TOPORS: variants seen among roughly 807,000 people sequenced by gnomAD.
TOPORS encodes E3 ubiquitin-protein ligase Topors.
A neutral mutation model predicts 81.4 loss-of-function variants in TOPORS; 25 were observed. That is an observed-to-expected ratio of 0.31 (90% confidence interval 0.22 to 0.43). The LOEUF is 0.43. TOPORS is among the 20% of genes least tolerant of loss of function. The pLI, the probability that TOPORS is intolerant of heterozygous loss-of-function variation, is 1.00. For missense variants in TOPORS, 1,101 were observed against 1,267.0 expected (o/e 0.87, Z 1.99); for synonymous variants, 473 against 456.6 (o/e 1.04, Z -0.46).
At chr9:32,545,150 G>A (rs1226825571) in intron 2 of TOPORS, among the ~76,000 whole-genome samples, 1 of 152,174 alleles carries the variant, frequency 6.6e-6, no homozygotes, top group African/African-American at 2.4e-5. Flanking sequence ...CACAGTAGGT[G>A]CTGAGTAAAT....
rs947326583 is a variant in TOPORS, at chr9:32,552,318, C to T, written c.3+116G>A. 3.5e-6 allele frequency: 5 copies of T among 1,442,112 alleles called. No homozygotes were observed. In the Admixed American group the frequency reaches 5.9e-5, roughly 17 times the overall value. The allele number at this position is 1,442,112 out of a possible 1,614,324, so 89.3% of individuals were successfully genotyped here. A position where few individuals can be genotyped will look rare whatever the true frequency, so the allele number is the denominator to read the frequency against. On this transcript the variant is annotated intron_variant, in intron 1 of 2. Coordinates refer to ENST00000360538, the MANE Select transcript of TOPORS (RefSeq NM_005802.5). ...GACAGCGCTGCACGAAGCGAGTGGG[C>T]GGGCGCTCGTGCCCGGCTAAAAGAT...
intron 2 of TOPORS, 69 bp from the exon 3 acceptor site, chr9:32,544,395 T>C: frequency 6.6e-7 from 1 of 1,511,758 alleles, no homozygotes; most frequent in Non-Finnish European, 9.0e-7. Context: ...TCAACAAAAA[T>C]GCAAATAAAG....
chr9:32,541,642 C>A lies in TOPORS; in HGVS notation c.2883G>T (p.Val961=), dbSNP rs1821060671. 6.2e-7 allele frequency: 1 copy of A among 1,614,040 alleles called. No homozygotes were observed. Among genetic ancestry groups the A allele is most frequent in the Admixed American group, 1.7e-5 (1 of 60,004 alleles). Residue 961 remains valine, a synonymous_variant, in exon 3 of 3, where the codon GTG becomes GTT. Transcript: ENST00000360538. ...DVVTIEAEFG[V]LDKECDIATL... ...TGGCAATATCACATTCCTTGTCCAG[C>A]ACACCAAATTCAGCTTCTATTGTAA... is the stretch of plus-strand genomic sequence containing the variant.
At chr9:32,550,425 G>A (rs931415136) in intron 2 of TOPORS, among the ~76,000 whole-genome samples, 2 of 152,226 alleles carry the variant, frequency 1.3e-5, no homozygotes, top group Admixed American at 6.5e-5. Flanking sequence ...TTACAGACAG[G>A]CTCAGGGATT....
chr9:32,544,002 CA>C lies in TOPORS; in HGVS notation c.522del (p.Asp175IlefsTer10). ...RPSYNGSFVT[P>X]DRRFRYRTTL... ...GTTGTACGGTAGCGAAATCGTCGAT[CA>C]GGGGTGACAAAAGAACCATTATACG... On this transcript the variant is annotated frameshift_variant, in exon 3 of 3. Coordinates refer to ENST00000360538, the MANE Select transcript of TOPORS (RefSeq NM_005802.5). LOFTEE classifies it high-confidence loss of function. 1 of 1,614,146 alleles carries C rather than the reference CA, an allele frequency of 6.2e-7. No homozygotes were observed. Among genetic ancestry groups the C allele is most frequent in the Non-Finnish European group, 8.5e-7 (1 of 1,180,022 alleles).
Position 32,541,457 on chromosome 9 carries a change from G to A in TOPORS, c.3068C>T (p.Ser1023Leu), listed in dbSNP as rs751258105. The change falls in exon 3 of 3, where the codon TCA becomes TTA. Residue 1023 changes from serine to leucine, a missense_variant. By Grantham distance (145) the Ser-to-Leu change is moderately radical. Transcript: ENST00000360538. ...TGTCCGTGGCGATGGCAATTGCCTT[G>A]ATGGCTCAGTTTGAAGAGACACAAT... The part of the protein sequence containing the change: ...SNIVSLQTEP[S>L]RQLPSPRTSL... The A allele has an allele frequency of 1.2e-6, 2 of 1,614,176 alleles. No individual in the cohort carries two copies. The highest frequency in any genetic ancestry group is 2.2e-5 in the East Asian group (1 of 44,884).
In TOPORS at chr9:32,543,203, G is replaced by T; in HGVS notation, c.1322C>A (p.Thr441Asn). 6.2e-7 allele frequency: 1 copy of T among 1,613,702 alleles called. No homozygotes were observed. The highest frequency in any genetic ancestry group is 1.1e-5 in the South Asian group (1 of 91,084). Residue 441 changes from threonine to asparagine, a missense_variant, in exon 3 of 3, where the codon ACT becomes AAT. Transcript: ENST00000360538. The surrounding 1 kb of genome is among the most constrained non-coding windows in gnomAD (Gnocchi z 5.6). ...AAGTTCTTCATCTGAACTGTCAGAA[G>T]TATTTAAAAGAGAAGACATAGTAAC... ...VHVTMSSLLNTSDSSDEELVT... is the reference protein window; with the variant it reads ...VHVTMSSLLNNSDSSDEELVT...
Position 32,543,764 on chromosome 9 carries a change from T to A in TOPORS, c.761A>T (p.Asp254Val). 1 of 1,611,816 alleles carries A rather than the reference T, an allele frequency of 6.2e-7. No homozygotes were observed. The highest frequency in any genetic ancestry group is 2.2e-5 in the East Asian group (1 of 44,846). ...AAGAGTTCGTCTAAAATTAATAATA[T>A]CTTGTTCTTGAATTTTCCGCAAAGA... ...ERSLRKIQEQ[D>V]IINFRRTLYR... The change falls in exon 3 of 3, where the codon GAT becomes GTT. Residue 254 changes from aspartate to valine, a missense_variant. This residue lies in a region of TOPORS where 120 missense variants were observed against 115.4 expected (regional missense o/e 1.04). Transcript: ENST00000360538. The surrounding 1 kb of genome is among the most constrained non-coding windows in gnomAD (Gnocchi z 5.6).
chr9:32,541,582 AGTTTT>A lies in TOPORS; in HGVS notation c.2938_2942del (p.Lys980CysfsTer3). 1 of 1,614,206 alleles carries A rather than the reference AGTTTT, an allele frequency of 6.2e-7. No individual in the cohort carries two copies. Among genetic ancestry groups the A allele is most frequent in the Non-Finnish European group, 8.5e-7 (1 of 1,180,038 alleles). ...CTGCCAGAGGTGGAATATTATCTAC[AGTTTT>A]GTTGGCATTATTCAAGTTGTTACTA... On this transcript the variant is annotated frameshift_variant, in exon 3 of 3. Transcript: ENST00000360538. LOFTEE classifies it high-confidence loss of function.
intron 1 of TOPORS, among the ~76,000 whole-genome samples, chr9:32,552,017 G>A (rs1821281667): frequency 6.6e-6 from 1 of 151,950 alleles, no homozygotes; most frequent in African/African-American, 2.4e-5. Context: ...GGGAGAAAGC[G>A]TTAATTCTTC....
chr9:32,552,344 G>A, intron 1 of TOPORS, 90 bp downstream of exon 1: 2 of 1,548,032 alleles, frequency 1.3e-6, no homozygotes, highest in Non-Finnish European at 1.8e-6. Context: ...GCTAAAAGAT[G>A]GCTGCTGGCG....
intron 2 of TOPORS, among the ~76,000 whole-genome samples, chr9:32,547,151 G>A (rs1197520451): frequency 6.6e-6 from 1 of 152,208 alleles, no homozygotes; most frequent in African/African-American, 2.4e-5. Flanking sequence ...GGAGACCCTT[G>A]AGGCCAGGAA....
chr9:32,543,012 C>T lies in TOPORS; in HGVS notation c.1513G>A (p.Gly505Ser), dbSNP rs1315587448. 5.6e-6 allele frequency: 9 copies of T among 1,614,024 alleles called. No homozygotes were observed. The highest frequency in any genetic ancestry group is 1.7e-5 in the Admixed American group (1 of 60,002). The change falls in exon 3 of 3, where the codon GGT becomes AGT. Residue 505 changes from glycine to serine, a missense_variant. Coordinates refer to ENST00000360538, the MANE Select transcript of TOPORS (RefSeq NM_005802.5). The surrounding 1 kb of genome is among the most constrained non-coding windows in gnomAD (Gnocchi z 5.6). ...VELSSDSEDL[G>S]SYEKMETVKT... ...ACTGTCTCCATTTTCTCATAAGAAC[C>T]TAAGTCCTCAGAATCAGAGGACAGT... is the stretch of plus-strand genomic sequence containing the variant.
chr9:32,550,964 G>A lies in TOPORS; in HGVS notation c.8C>T (p.Ser3Leu), dbSNP rs751565828. The A allele has an allele frequency of 1.2e-6, 2 of 1,610,196 alleles. No individual in the cohort carries two copies. The highest frequency in any genetic ancestry group is 1.7e-6 in the Non-Finnish European group (2 of 1,179,752). The change falls in exon 2 of 3, where the codon TCG (serine) becomes TTG (leucine). Residue 3 changes from serine to leucine, a missense_variant. Physicochemically the swap from Ser to Leu is moderately radical, Grantham distance 145. Transcript: ENST00000360538. MG[S>L]QPPLGSPLSR... ...CAGCGGAGACCCCAGCGGCGGCTGC[G>A]ACCCCTGTGACGCAAAGGGCTCATC... is the stretch of plus-strand genomic sequence containing the variant.
rs1478093209 is a variant in TOPORS at position 32,540,871 on chromosome 9, A to C, written c.*516T>G. On this transcript the variant is annotated 3_prime_UTR_variant, in exon 3 of 3. Transcript: ENST00000360538. Reference sequence around the variant, plus strand: ...AAACAAGTATATAAAGGAAATAGTAAATTTTTATTTTGGCAGAAGATAAAC... The same window carrying C: ...AAACAAGTATATAAAGGAAATAGTACATTTTTATTTTGGCAGAAGATAAAC... The C allele has an allele frequency of 6.5e-6, 1 of 152,752 alleles. No individual in the cohort carries two copies. The highest frequency in any genetic ancestry group is 2.1e-4 in the South Asian group (1 of 4,840). The allele number at this position is 152,752 out of a possible 1,614,324, so 9.5% of individuals were successfully genotyped here.
At chr9:32,549,039 G>A (rs1194302371) in intron 2 of TOPORS, among the ~76,000 whole-genome samples, 1 of 151,980 alleles carries the variant, frequency 6.6e-6, no homozygotes, top group Non-Finnish European at 1.5e-5. Flanking sequence ...GCCGGGCGTG[G>A]TGGCTCATGC....
At position 32,542,718 on chromosome 9, in the gene TOPORS, G is replaced by A. The variant is rs550660279; in HGVS notation, c.1807C>T (p.Arg603Cys). Residue 603 changes from arginine to cysteine, a missense_variant, in exon 3 of 3, where the codon CGT becomes TGT. By Grantham distance (180) the Arg-to-Cys change is radical. This residue lies in a region of TOPORS where 605 missense variants were observed against 636.1 expected (regional missense o/e 0.95). Transcript: ENST00000360538. ...TCATGCCCACTTCTACTCTGAGAAC[G>A]TGAATCTGAACTTCTTGATCTTCCC... Reference protein sequence around the residue: ...KRGRSRSSDSRSQSRSGHDQK... With the variant: ...KRGRSRSSDSCSQSRSGHDQK... The A allele has an allele frequency of 7.4e-6, 12 of 1,613,932 alleles. No homozygotes were observed. Among genetic ancestry groups the A allele is most frequent in the Admixed American group, 3.3e-5 (2 of 60,000 alleles).
chr9:32,545,116 G>A (rs1180846361), intron 2 of TOPORS, among the ~76,000 whole-genome samples: 1 of 152,180 alleles, frequency 6.6e-6, no homozygotes, highest in Non-Finnish European at 1.5e-5. Flanking sequence ...AAATGAAAAA[G>A]CAGCCAAGAG....
rs1821052651 is a variant in TOPORS at position 32,541,318 on chromosome 9, G to A, written c.*69C>T. On this transcript the variant is annotated 3_prime_UTR_variant, in exon 3 of 3. Transcript: ENST00000360538. ...ACCAAATGTCATCTTTAAATAGACT[G>A]CAGTAGACGACATTCTTCCTTTTTC... 7.0e-7 allele frequency: 1 copy of A among 1,436,050 alleles called. No individual in the cohort carries two copies. Among genetic ancestry groups the A allele is most frequent in the Non-Finnish European group, 9.7e-7 (1 of 1,026,516 alleles). The allele number at this position is 1,436,050 out of a possible 1,614,324, so 89.0% of individuals were successfully genotyped here. A position where few individuals can be genotyped will look rare whatever the true frequency, so the allele number is the denominator to read the frequency against.
Sources: allele counts gnomAD v4.1 joint callset (sites outside exome capture counted in the v4.1 genomes callset), GRCh38; gene constraint gnomAD v4.1.1; regional missense constraint gnomAD v4.1.1; non-coding constraint Gnocchi (gnomAD v3.1); transcripts MANE v1.5; gene names NCBI Gene and HGNC (gene_info 2026-07-23, HGNC 2026-07-21).